The following SLC6A4 variants were observed in gnomAD, a reference collection of about 807,000 sequenced individuals.
The protein encoded by SLC6A4 is sodium-dependent serotonin transporter.
In SLC6A4, 22 loss-of-function variants were observed where a neutral mutation model predicts 73.4. The ratio of observed to expected loss-of-function variants is 0.30; its 90% confidence interval spans 0.21 to 0.43. The LOEUF (loss-of-function observed/expected upper bound fraction) is 0.43, where lower values mean the gene tolerates loss of function less well. SLC6A4 is among the 20% of genes least tolerant of loss of function. SLC6A4 has a pLI of 1.00. For synonymous variants in SLC6A4, 270 were observed against 315.5 expected (o/e 0.86, Z 1.53); for missense variants, 593 against 808.5 (o/e 0.73, Z 3.23).
Position 30,203,311 on chromosome 17 carries a change from G to A in SLC6A4, c.1679C>T (p.Pro560Leu), listed in dbSNP as rs1263969034. 9.3e-6 allele frequency: 15 copies of A among 1,613,746 alleles called. No individual in the cohort carries two copies. The highest frequency in any genetic ancestry group is 1.3e-5 in the African/African-American group (1 of 74,882). Residue 560 changes from proline to leucine, a missense_variant, in exon 14 of 15, where the codon CCG becomes CTG. Transcript: ENST00000650711. ...ATATTGGAAAAGTCGTAGTTGTGGC[G>A]GGCTCATCAGAAAACTGCAAATGAT... ...LFIICSFLMS[P>L]PQLRLFQYNY...
chr17:30,232,067 A>C (rs1475421901), intron 1 of SLC6A4, among the ~76,000 whole-genome samples: 2 of 152,234 alleles, frequency 1.3e-5, no homozygotes, highest in Non-Finnish European at 2.9e-5. Context: ...CCTTAGAGGA[A>C]AAAGTTCCCT....
chr17:30,196,579 T>C lies in SLC6A4; in HGVS notation c.*1877A>G, dbSNP rs1486819610. ...AAAATTTGCAAAGCTATTAGGTTAG[T>C]GCAAAAGTAATCATGGTTTTTCTTT... On this transcript the variant is annotated 3_prime_UTR_variant, in exon 15 of 15. Coordinates refer to ENST00000650711, the MANE Select transcript of SLC6A4 (RefSeq NM_001045.6). The C allele has an allele frequency of 6.6e-6, 1 of 152,368 alleles. No individual in the cohort carries two copies. The highest frequency in any genetic ancestry group is 1.5e-5 in the Non-Finnish European group (1 of 68,036). The allele number at this position is 152,368 out of a possible 1,614,324, so 9.4% of individuals were successfully genotyped here.
intron 13 of SLC6A4, 102 bp downstream of exon 13, chr17:30,207,630 T>C: frequency 1.3e-6 from 1 of 759,778 alleles, no homozygotes; most frequent in South Asian, 1.6e-5. Flanking sequence ...GTGTTGGGAT[T>C]ACAAGGATGA....
chr17:30,221,975 T>C lies in SLC6A4; in HGVS notation c.-17A>G, dbSNP rs750977474. Reference sequence around the variant, plus strand: ...CGTCTCCATCCTGCTGGTTAGTAAATGACACTGATGTCCATCTGCCAAGGA... The same window carrying C: ...CGTCTCCATCCTGCTGGTTAGTAAACGACACTGATGTCCATCTGCCAAGGA... On this transcript the variant is annotated 5_prime_UTR_variant, in exon 3 of 15. Coordinates refer to ENST00000650711, the MANE Select transcript of SLC6A4 (RefSeq NM_001045.6). The C allele has an allele frequency of 6.2e-7, 1 of 1,613,980 alleles. No individual in the cohort carries two copies. Among genetic ancestry groups the C allele is most frequent in the African/African-American group, 1.3e-5 (1 of 75,040 alleles).
Position 30,211,637 on chromosome 17 carries a change from A to G in SLC6A4, c.1205-213T>C, listed in dbSNP as rs1009178856. The stretch of plus-strand genomic sequence containing the variant: ...GGGAGGCAGGAAGGGTGGGGCTTCC[A>G]TCTTGAAAACTGTGTGCCCTCCATT... On this transcript the variant is annotated intron_variant, in intron 9 of 14. Coordinates refer to ENST00000650711, the MANE Select transcript of SLC6A4 (RefSeq NM_001045.6). This position sits in a 1 kb window ranked among gnomAD's most constrained non-coding sequence, Gnocchi z 4.0. 6.6e-6 allele frequency among the ~76,000 whole-genome samples: 1 copy of G among 152,166 alleles called. No individual in the cohort carries two copies. Among genetic ancestry groups the G allele is most frequent in the African/African-American group, 2.4e-5 (1 of 41,446 alleles).
intron 1 of SLC6A4, among the ~76,000 whole-genome samples, chr17:30,234,925 G>T (rs796605353): frequency 4.5e-4 from 68 of 152,324 alleles, no homozygotes; most frequent in Non-Finnish European, 1.3e-4. Flanking sequence ...CCACTCTTGA[G>T]CTCCAGAGAG....
intron 3 of SLC6A4, among the ~76,000 whole-genome samples, chr17:30,220,750 G>A (rs1906720684): frequency 6.6e-6 from 1 of 152,138 alleles, no homozygotes; most frequent in Non-Finnish European, 1.5e-5. Context: ...TTGCCAGCAG[G>A]AGTGAAGGGA....
chr17:30,222,346 C>T (rs1279544124), intron 2 of SLC6A4, among the ~76,000 whole-genome samples: 1 of 152,208 alleles, frequency 6.6e-6, no homozygotes, highest in Non-Finnish European at 1.5e-5. Context: ...AAGGTTTGCA[C>T]AGGCTGGACT....
chr17:30,215,828 A>G, intron 7 of SLC6A4, 114 bp from the exon 8 acceptor site: 1 of 914,884 alleles, frequency 1.1e-6, no homozygotes, highest in Non-Finnish European at 1.7e-6. Context: ...GCAGAAAAAC[A>G]GCTTTTAAGG....
intron 13 of SLC6A4, among the ~76,000 whole-genome samples, chr17:30,207,500 G>A (rs755940951): frequency 6.6e-6 from 1 of 152,118 alleles, no homozygotes; most frequent in African/African-American, 2.4e-5. Context: ...CCATTCTCCT[G>A]CCTCAGCTTC....
chr17:30,220,060 G>A (rs1241637714), intron 3 of SLC6A4, among the ~76,000 whole-genome samples: 1 of 152,164 alleles, frequency 6.6e-6, no homozygotes, highest in Admixed American at 6.5e-5. Flanking sequence ...GAGATAAGGT[G>A]ATTATGACTT....
intron 1 of SLC6A4, 48 bp from the exon 2 acceptor site, chr17:30,222,963 G>T: frequency 1.7e-6 from 1 of 596,438 alleles, no homozygotes; most frequent in Non-Finnish European, 2.8e-6. Context: ...GGTTGGTGTC[G>T]CCGTCCCCCT....
intron 8 of SLC6A4, among the ~76,000 whole-genome samples, chr17:30,214,625 T>C (rs1027015853): frequency 2.7e-5 from 4 of 149,330 alleles, no homozygotes; most frequent in South Asian, 2.1e-4. Flanking sequence ...AATTTCTCTT[T>C]CTTTCTTTCT....
intron 13 of SLC6A4, 148 bp from the exon 14 acceptor site, chr17:30,203,487 AC>A: frequency 1.5e-6 from 1 of 673,340 alleles, no homozygotes; most frequent in Middle Eastern, 4.1e-4. Flanking sequence ...GAACTCTGAC[AC>A]ACAGAATTAC....
chr17:30,221,917 C>T lies in SLC6A4; in HGVS notation c.42G>A (p.Ala14=), dbSNP rs138069918. Residue 14 remains alanine, a synonymous_variant, in exon 3 of 15, where the codon GCG becomes GCA. Transcript: ENST00000650711. ...TPLNSQKQLS[A]CEDGEDCQEN... ...CCTGACAATCTTCTCCATCTTCACA[C>T]GCTGATAGCTGCTTCTGAGAATTCA... 838 of 1,614,184 alleles carry T rather than the reference C, an allele frequency of 5.2e-4. 1 individual carries two copies. Among genetic ancestry groups the T allele is most frequent in the Non-Finnish European group, 6.8e-4 (807 of 1,180,042 alleles).
intron 14 of SLC6A4, among the ~76,000 whole-genome samples, chr17:30,202,841 A>T (rs1906078205): frequency 6.6e-6 from 1 of 152,234 alleles, no homozygotes; most frequent in Non-Finnish European, 1.5e-5. Flanking sequence ...TGCTCCAGAC[A>T]TCACAGGTCT....
intron 13 of SLC6A4, among the ~76,000 whole-genome samples, chr17:30,205,470 T>C (rs1906163730): frequency 6.6e-6 from 1 of 152,242 alleles, no homozygotes; most frequent in South Asian, 2.1e-4. Context: ...ATAACCCATT[T>C]ATGTCAGGGC....
intron 1 of SLC6A4, among the ~76,000 whole-genome samples, chr17:30,226,920 C>G (rs925239099): frequency 6.6e-6 from 1 of 150,836 alleles, no homozygotes; most frequent in African/African-American, 2.5e-5. Flanking sequence ...AGGCACAGTC[C>G]TGCCTGCATG....
intron 1 of SLC6A4, among the ~76,000 whole-genome samples, chr17:30,228,002 G>A (rs972432665): frequency 6.6e-6 from 1 of 152,144 alleles, no homozygotes; most frequent in Non-Finnish European, 1.5e-5. Context: ...AAAGGATACT[G>A]GATTATTTAT....
Sources: allele counts gnomAD v4.1 joint callset (sites outside exome capture counted in the v4.1 genomes callset), GRCh38; gene constraint gnomAD v4.1.1; non-coding constraint Gnocchi (gnomAD v3.1); transcripts MANE v1.5; gene names NCBI Gene and HGNC (gene_info 2026-07-23, HGNC 2026-07-21).